DCAF1: variants seen among roughly 807,000 people sequenced by gnomAD.
The protein encoded by DCAF1 is DDB1 and CUL4 associated factor 1, also known as DDB1- and CUL4-associated factor 1.
In DCAF1, 15 loss-of-function variants were observed where a neutral mutation model predicts 128.0. That is an observed-to-expected ratio of 0.12 (90% CI 0.08 to 0.18). The LOEUF is 0.18. DCAF1 is among the 10% of genes least tolerant of loss of function. DCAF1 has a pLI of 1.00. For synonymous variants in DCAF1, 610 were observed against 603.0 expected (o/e 1.01, Z -0.17); for missense variants, 988 against 1,649.5 (o/e 0.60, Z 6.95).
intron 8 of DCAF1, 89 bp downstream of exon 8, chr3:51,441,296 T>C: frequency 1.4e-6 from 2 of 1,438,420 alleles, no homozygotes; most frequent in South Asian, 1.4e-5. Flanking sequence ...AGTTAGAATA[T>C]ATCTTTGTAT....
chr3:51,480,598 C>CA (rs34527434), intron 3 of DCAF1, among the ~76,000 whole-genome samples: 72,407 of 92,434 alleles, frequency 0.78, 28,088 homozygotes, highest in South Asian at 0.86. Context: ...GAGTCTGCCT[C>CA]AAAAAAAAAA....
At chr3:51,428,970 G>C (rs1474621289) in intron 12 of DCAF1, among the ~76,000 whole-genome samples, 2 of 152,164 alleles carry the variant, frequency 1.3e-5, no homozygotes, top group Non-Finnish European at 2.9e-5. Context: ...CTGCACTCCA[G>C]CCTGGGTGAC....
At chr3:51,424,968 TG>T (rs1553633742) in intron 13 of DCAF1, among the ~76,000 whole-genome samples, 3 of 152,198 alleles carry the variant, frequency 2.0e-5, no homozygotes, top group African/African-American at 7.2e-5. Context: ...AACTATTCTC[TG>T]TGCCTTTCTA....
chr3:51,445,410 ACACT>A (rs1374077339), intron 6 of DCAF1, among the ~76,000 whole-genome samples: 2 of 152,230 alleles, frequency 1.3e-5, no homozygotes, highest in Non-Finnish European at 2.9e-5. Context: ...CACTTAAATA[ACACT>A]CAAGACAGGC....
chr3:51,473,960 C>T (rs1011120154), intron 3 of DCAF1, among the ~76,000 whole-genome samples: 3 of 151,600 alleles, frequency 2.0e-5, no homozygotes, highest in Non-Finnish European at 4.4e-5. Context: ...TGTGCCACCA[C>T]GCCCAGCTCA....
chr3:51,409,233 A>C (rs531628130), intron 23 of DCAF1, among the ~76,000 whole-genome samples: 2 of 152,216 alleles, frequency 1.3e-5, no homozygotes, highest in Admixed American at 1.3e-4. Flanking sequence ...TAAGAGGAGT[A>C]TAACTCTTAA....
chr3:51,407,136 G>T (rs987541424), intron 23 of DCAF1, among the ~76,000 whole-genome samples: 26 of 125,438 alleles, frequency 2.1e-4, no homozygotes, highest in Non-Finnish European at 4.7e-5. Flanking sequence ...AAGCCTGGGC[G>T]AGACAGAGTG....
At chr3:51,409,026 C>G (rs1196008307) in intron 23 of DCAF1, among the ~76,000 whole-genome samples, 3 of 152,138 alleles carry the variant, frequency 2.0e-5, no homozygotes, top group African/African-American at 7.2e-5. Flanking sequence ...CCCTCTTGAC[C>G]CTGCCCCTCT....
intron 2 of DCAF1, among the ~76,000 whole-genome samples, chr3:51,493,115 G>A (rs1023532256): frequency 5.3e-5 from 8 of 151,048 alleles, no homozygotes; most frequent in Non-Finnish European, 7.4e-5. Flanking sequence ...ATTACTATAC[G>A]ACCCAGCAAT....
rs1473238519 is a variant in DCAF1 at position 51,407,182 on chromosome 3, A to C, written c.4213-3787T>G. ...TCAAAAAAAAAAAAAAAAAAAAACA[A>C]CAACAAAACCGTCATTCAAATCTGA... is the stretch of plus-strand genomic sequence containing the variant. On this transcript the variant is annotated intron_variant, in intron 23 of 24. Transcript: ENST00000684031. Among the ~76,000 whole-genome samples, 8 of 147,802 alleles carry C rather than the reference A, an allele frequency of 5.4e-5. No individual in the cohort carries two copies. In the Admixed American group the frequency reaches 5.4e-4, roughly 10 times the overall value.
intron 24 of DCAF1, among the ~76,000 whole-genome samples, chr3:51,400,465 T>A (rs2089585091): frequency 6.6e-6 from 1 of 152,202 alleles, no homozygotes; most frequent in Non-Finnish European, 1.5e-5. Flanking sequence ...GAACTAAGAA[T>A]CTTAACCACG....
intron 6 of DCAF1, among the ~76,000 whole-genome samples, chr3:51,455,755 G>A (rs1289401367): frequency 1.3e-5 from 2 of 152,084 alleles, no homozygotes; most frequent in Non-Finnish European, 2.9e-5. Flanking sequence ...AAATTTGCCA[G>A]GCATGGTGGC....
chr3:51,463,055 TCAAATA>T (rs1553645138), intron 6 of DCAF1, 53 bp downstream of exon 6: 1 of 1,179,294 alleles, frequency 8.5e-7, no homozygotes, highest in African/African-American at 1.6e-5. Flanking sequence ...CAAAGACAAA[TCAAATA>T]CATCATAATT....
intron 2 of DCAF1, among the ~76,000 whole-genome samples, chr3:51,489,607 T>C (rs1707380646): frequency 6.6e-6 from 1 of 151,916 alleles, no homozygotes; most frequent in Admixed American, 6.6e-5. Context: ...GCCAACATGG[T>C]GAAACCGCAT....
intron 2 of DCAF1, among the ~76,000 whole-genome samples, chr3:51,492,905 A>G (rs774271612): frequency 4.6e-5 from 7 of 152,030 alleles, no homozygotes; most frequent in Non-Finnish European, 8.8e-5. Context: ...GAGGCAGGAG[A>G]ATGGCGTGAA....
In DCAF1 at chr3:51,420,570, A is replaced by G. The variant is rs1369868995; in HGVS notation, c.2400T>C (p.Ser800=). The part of the protein sequence containing the change: ...MKEPVLQDKR[S]DHVKFCKYAA... ...CATACTTGCAGAACTTGACATGGTC[A>G]CTGCGCTTGTCCTGCAGCACAGGCT... The change falls in exon 15 of 25, where the codon AGT becomes AGC. Residue 800 remains serine, a synonymous_variant. Coordinates refer to ENST00000684031, the MANE Select transcript of DCAF1 (RefSeq NM_001387579.1). The surrounding 1 kb of genome is among the most constrained non-coding windows in gnomAD (Gnocchi z 6.5). 1 of 1,613,852 alleles carries G rather than the reference A, an allele frequency of 6.2e-7. No homozygotes were observed. The highest frequency in any genetic ancestry group is 8.5e-7 in the Non-Finnish European group (1 of 1,179,898).
At chr3:51,403,491 G>C (rs2089887537) in intron 23 of DCAF1, 96 bp from the exon 24 acceptor site, 1 of 1,499,368 alleles carries the variant, frequency 6.7e-7, no homozygotes, top group Non-Finnish European at 8.9e-7. Flanking sequence ...GTAGGAAACT[G>C]TCAGTAGAGG....
At chr3:51,505,151 C>T in the DCAF1 span, among the ~76,000 whole-genome samples, 2 of 151,818 alleles carry the variant, frequency 1.3e-5, no homozygotes, top group African/African-American at 4.8e-5. Flanking sequence ...GTAATCCCAG[C>T]TACTCAGGAG....
chr3:51,447,617 C>T (rs990506116), intron 6 of DCAF1, among the ~76,000 whole-genome samples: 3 of 151,994 alleles, frequency 2.0e-5, no homozygotes, highest in Non-Finnish European at 2.9e-5. Context: ...TTTGTTCCAC[C>T]TTTTGTCTTC....
Sources: allele counts gnomAD v4.1 joint callset (sites outside exome capture counted in the v4.1 genomes callset), GRCh38; gene constraint gnomAD v4.1.1; non-coding constraint Gnocchi (gnomAD v3.1); transcripts MANE v1.5; gene names NCBI Gene and HGNC (gene_info 2026-07-23, HGNC 2026-07-21).